PANK2: variants seen among roughly 807,000 people sequenced by gnomAD.
PANK2 encodes the protein pantothenate kinase 2, also known as pantothenate kinase 2, mitochondrial.
A neutral mutation model predicts 43.1 loss-of-function variants in PANK2; 36 were observed. That is an observed-to-expected ratio of 0.84 (90% CI 0.64 to 1.10). The LOEUF (loss-of-function observed/expected upper bound fraction) is 1.10, where lower values mean the gene tolerates loss of function less well. Ranked by LOEUF, PANK2 falls within the 50% of genes least tolerant of loss-of-function variation. PANK2 has a pLI of 0.00. For missense variants in PANK2, 576 were observed against 593.3 expected, an observed-to-expected ratio of 0.97 and a Z score of 0.30; for synonymous variants, 281 against 238.2, an observed-to-expected ratio of 1.18 and a Z score of -1.66.
intron 1 of PANK2, among the ~76,000 whole-genome samples, chr20:3,890,296 C>T (rs1327955555): frequency 2.0e-5 from 3 of 152,166 alleles, no homozygotes; most frequent in Non-Finnish European, 4.4e-5. Context: ...CACATATCCC[C>T]TCCGTTTTCC....
At chr20:3,902,883 A>G (rs1484289067) in intron 1 of PANK2, among the ~76,000 whole-genome samples, 1 of 151,432 alleles carries the variant, frequency 6.6e-6, no homozygotes, top group Non-Finnish European at 1.5e-5. Context: ...TTTCTCTTTT[A>G]TAACAGCGTC....
At chr20:3,912,053 T>C (rs867880416) in intron 3 of PANK2, among the ~76,000 whole-genome samples, 3 of 152,156 alleles carry the variant, frequency 2.0e-5, no homozygotes, top group Non-Finnish European at 4.4e-5. Context: ...CAAAACACGT[T>C]GCAGGAGGAG....
chr20:3,889,026 G>C (rs1389010949), upstream of PANK2: 1 of 1,240,406 alleles, frequency 8.1e-7, no homozygotes, highest in Non-Finnish European at 1.1e-6. Flanking sequence ...GGTGGGACTC[G>C]GGGTCGCCCC....
intron 1 of PANK2, among the ~76,000 whole-genome samples, chr20:3,893,507 G>A (rs2090156621): frequency 6.6e-6 from 1 of 152,186 alleles, no homozygotes; most frequent in Non-Finnish European, 1.5e-5. Context: ...TTGAGCATAT[G>A]TGCAGCAGGT....
Position 3,889,610 on chromosome 20 carries a change from G to T in PANK2, c.180G>T (p.Ala60=). 1 of 1,533,024 alleles carries T rather than the reference G, an allele frequency of 6.5e-7. No individual in the cohort carries two copies. The highest frequency in any genetic ancestry group is 1.2e-5 in the South Asian group (1 of 84,502). 95.0% of individuals were successfully genotyped at this position (1,533,024 alleles called of 1,614,324 possible). The change falls in exon 1 of 7, where the codon GCG becomes GCT. Residue 60 remains alanine (A), a synonymous_variant. Transcript: ENST00000610179. ...CACTGCGGCGCCGGGCGAGCAGCGCGTCGGTGCCCGCGGTCGGGGCCTCGG... is the reference window on the plus strand; with the variant it reads ...CACTGCGGCGCCGGGCGAGCAGCGCTTCGGTGCCCGCGGTCGGGGCCTCGG...
rs143849233 is a variant in PANK2 at position 3,912,821 on chromosome 20, G to A, written c.1082+187G>A. 1.8e-3 allele frequency among the ~76,000 whole-genome samples: 267 copies of A among 151,234 alleles called. 1 individual carries two copies. The highest frequency in any genetic ancestry group is 5.9e-3 in the African/African-American group (242 of 41,216). On this transcript the variant is annotated intron_variant, in intron 4 of 6. Coordinates refer to ENST00000610179, the MANE Select transcript of PANK2 (RefSeq NM_001386393.1). The stretch of plus-strand genomic sequence containing the variant: ...AAAAATTAGCTAGGCATGGTGGTGC[G>A]CGCCTGTAGACCCAGGTACTTGGGA...
At chr20:3,918,835 G>C in intron 6 of PANK2, 39 bp downstream of exon 6, 1 of 1,614,086 alleles carries the variant, frequency 6.2e-7, no homozygotes, top group Non-Finnish European at 8.5e-7. Context: ...TATGTACACA[G>C]AGGGCTTGTG....
chr20:3,909,872 G>C (rs1021358550), intron 2 of PANK2, among the ~76,000 whole-genome samples: 1 of 152,022 alleles, frequency 6.6e-6, no homozygotes, highest in Non-Finnish European at 1.5e-5. Flanking sequence ...GATTATAGGC[G>C]TGAGCCACCG....
chr20:3,895,458 G>A (rs1214040663), intron 1 of PANK2, among the ~76,000 whole-genome samples: 1 of 150,486 alleles, frequency 6.6e-6, no homozygotes, highest in Non-Finnish European at 1.5e-5. Flanking sequence ...ACTCGAGCCT[G>A]GGCGACAGAG....
chr20:3,913,281 CAT>C (rs1207957896), intron 4 of PANK2, among the ~76,000 whole-genome samples: 2 of 152,186 alleles, frequency 1.3e-5, no homozygotes, highest in African/African-American at 2.4e-5. Context: ...CTTCATATAG[CAT>C]ATGTTTTCAA....
intron 1 of PANK2, among the ~76,000 whole-genome samples, chr20:3,899,793 C>T (rs1395663950): frequency 1.3e-5 from 2 of 150,686 alleles, no homozygotes; most frequent in Non-Finnish European, 3.0e-5. Flanking sequence ...CTGCAAGCTC[C>T]GCCTCCCGGC....
chr20:3,893,923 T>G (rs6139227), intron 1 of PANK2, among the ~76,000 whole-genome samples: 1 of 98,638 alleles, frequency 1.0e-5, no homozygotes, highest in Non-Finnish European at 2.2e-5. Context: ...TTTTTTTGTT[T>G]GTTTTTTGTT....
chr20:3,919,371 A>G (rs980421879), intron 6 of PANK2, among the ~76,000 whole-genome samples: 6 of 152,112 alleles, frequency 3.9e-5, no homozygotes, highest in African/African-American at 1.4e-4. Flanking sequence ...TGTCTGAACT[A>G]TCCTCTATAT....
At position 3,916,909 on chromosome 20, in the gene PANK2, T is replaced by C. The variant is rs2090569302; in HGVS notation, c.1083-18T>C. On this transcript the variant is annotated intron_variant, in intron 4 of 6. Coordinates refer to ENST00000610179, the MANE Select transcript of PANK2 (RefSeq NM_001386393.1). ...TTGCTGTTGGTTTAGCAATGGGATT[T>C]TTTTTCCCCCATCACAGCTTTGGAA... 1 of 1,532,458 alleles carries C rather than the reference T, an allele frequency of 6.5e-7. No individual in the cohort carries two copies. Among genetic ancestry groups the C allele is most frequent in the Non-Finnish European group, 8.9e-7 (1 of 1,119,884 alleles). 94.9% of individuals were successfully genotyped at this position (1,532,458 alleles called of 1,614,324 possible).
At chr20:3,889,076 AG>A (rs1363707534), upstream of PANK2, 2 of 1,474,272 alleles carry the variant, frequency 1.4e-6, no homozygotes, top group East Asian at 5.3e-5. Flanking sequence ...GGCATGCACA[AG>A]TGGGGGGCGG....
At position 3,889,518 on chromosome 20, in the gene PANK2, T is replaced by C; in HGVS notation, c.88T>C (p.Ser30Pro). Residue 30 changes from serine to proline, a missense_variant, in exon 1 of 7, where the codon TCC becomes CCC. Coordinates refer to ENST00000610179, the MANE Select transcript of PANK2 (RefSeq NM_001386393.1). ...GCCCATGGAGCGCCACGGCAGGGCT[T>C]CCGCCACCTCCGTCTCGTCGGCTGG... 1 of 1,436,568 alleles carries C rather than the reference T, an allele frequency of 7.0e-7. No homozygotes were observed. Among genetic ancestry groups the C allele is most frequent in the Non-Finnish European group, 9.0e-7 (1 of 1,105,744 alleles). The allele number at this position is 1,436,568 out of a possible 1,614,324, so 89.0% of individuals were successfully genotyped here. A position where few individuals can be genotyped will look rare whatever the true frequency, so the allele number is the denominator to read the frequency against.
intron 6 of PANK2, 105 bp downstream of exon 6, chr20:3,918,901 T>C (rs2090605444): frequency 1.3e-6 from 2 of 1,579,498 alleles, no homozygotes; most frequent in Non-Finnish European, 1.7e-6. Context: ...GGCTGCAGTG[T>C]TTCTTTTGTT....
chr20:3,888,961 G>GTGT, upstream of PANK2: 4 of 642,750 alleles, frequency 6.2e-6, no homozygotes, highest in Non-Finnish European at 7.7e-6. Flanking sequence ...GACGCTGCGG[G>GTGT]AGCACTGCTG....
chr20:3,896,609 G>T (rs998196974), intron 1 of PANK2, among the ~76,000 whole-genome samples: 1 of 152,102 alleles, frequency 6.6e-6, no homozygotes, highest in Non-Finnish European at 1.5e-5. Context: ...CTGGGGAGGG[G>T]TGGGGGCTTG....
Sources: gnomAD v4.1 joint callset for allele counts (sites outside exome capture counted in the v4.1 genomes callset) on GRCh38, gnomAD v4.1.1 for gene constraint, MANE v1.5 for transcripts, NCBI Gene and HGNC (gene_info 2026-07-23, HGNC 2026-07-21) for gene names.